The following RECK variants were observed in gnomAD, a reference collection of about 807,000 sequenced individuals.
RECK encodes reversion-inducing cysteine-rich protein with Kazal motifs.
RECK carries 69 observed loss-of-function variants against 115.1 expected under a neutral mutation model. That is an observed-to-expected ratio of 0.60 (90% CI 0.49 to 0.73). The LOEUF (loss-of-function observed/expected upper bound fraction) is 0.73, where lower values mean the gene tolerates loss of function less well. Ranked by LOEUF, RECK falls within the 30% of genes least tolerant of loss-of-function variation. RECK has a pLI of 0.00. For synonymous variants in RECK, 414 were observed against 419.7 expected, an observed-to-expected ratio of 0.99 and a Z score of 0.17; for missense variants, 1,047 against 1,203.7, an observed-to-expected ratio of 0.87 and a Z score of 1.93.
intron 10 of RECK, among the ~76,000 whole-genome samples, chr9:36,098,312 C>T (rs935355466): frequency 9.2e-5 from 14 of 152,082 alleles, no homozygotes; most frequent in Admixed American, 3.3e-4. Flanking sequence ...AAATATATTA[C>T]GTTGCACACA....
At chr9:36,099,095 G>A (rs957219412) in intron 10 of RECK, among the ~76,000 whole-genome samples, 40 of 152,136 alleles carry the variant, frequency 2.6e-4, no homozygotes, top group African/African-American at 8.2e-4. Flanking sequence ...GTGTGGTGGT[G>A]GGTGCCTGTA....
At chr9:36,074,067 A>G (rs1299450396) in intron 6 of RECK, among the ~76,000 whole-genome samples, 1 of 152,148 alleles carries the variant, frequency 6.6e-6, no homozygotes, top group African/African-American at 2.4e-5. Context: ...GAACATCATT[A>G]CCTCTATTGA....
chr9:36,043,514 T>C (rs1820964558), intron 1 of RECK, among the ~76,000 whole-genome samples: 1 of 152,172 alleles, frequency 6.6e-6, no homozygotes, highest in Non-Finnish European at 1.5e-5. Flanking sequence ...GCAGAAGCTT[T>C]TTAGTTTAAT....
rs535392371 is a variant in RECK, at chr9:36,066,737, A to G, written c.405+1113A>G. The G allele has an allele frequency of 1.5e-4, 173 of 1,169,492 alleles. 1 individual carries two copies. In the African/African-American group the frequency reaches 2.4e-3, roughly 17 times the overall value. 72.4% of individuals were successfully genotyped at this position (1,169,492 alleles called of 1,614,324 possible). A position where few individuals can be genotyped will look rare whatever the true frequency, so the allele number is the denominator to read the frequency against. ...CTGTGATAATTCCTTCTTTTCTCCT[A>G]CATGATGTCTGACACTGTCCATCTT... On this transcript the variant is annotated intron_variant, in intron 6 of 20. Coordinates refer to ENST00000377966, the MANE Select transcript of RECK (RefSeq NM_021111.3).
At chr9:36,106,955 A>G (rs1823842953) in intron 13 of RECK, among the ~76,000 whole-genome samples, 1 of 151,824 alleles carries the variant, frequency 6.6e-6, no homozygotes, top group Admixed American at 6.6e-5. Context: ...ATACAAAAAA[A>G]ATTAGCCGGG....
At chr9:36,039,582 T>C (rs974144374) in intron 1 of RECK, among the ~76,000 whole-genome samples, 1 of 152,190 alleles carries the variant, frequency 6.6e-6, no homozygotes, top group Non-Finnish European at 1.5e-5. Context: ...CTTTGGAGGA[T>C]GAGAAGGGAC....
At chr9:36,078,337 G>C (rs1284461194) in intron 6 of RECK, among the ~76,000 whole-genome samples, 1 of 152,266 alleles carries the variant, frequency 6.6e-6, no homozygotes, top group African/African-American at 2.4e-5. Context: ...GTGATCCACA[G>C]GCTGAACCAC....
intron 15 of RECK, among the ~76,000 whole-genome samples, chr9:36,111,533 G>A (rs1000089801): frequency 1.3e-5 from 2 of 152,110 alleles, no homozygotes; most frequent in Admixed American, 6.5e-5. Flanking sequence ...AGCTAGGAAC[G>A]ACAGGCATGC....
chr9:36,072,183 C>T (rs530899857), intron 6 of RECK, among the ~76,000 whole-genome samples: 1 of 152,290 alleles, frequency 6.6e-6, no homozygotes, highest in Admixed American at 6.5e-5. Flanking sequence ...GGAAATGTCA[C>T]AATAAAATGT....
In RECK at chr9:36,087,900, T is replaced by G; in HGVS notation, c.844T>G (p.Ser282Ala). The G allele has an allele frequency of 1.2e-6, 2 of 1,613,402 alleles. No homozygotes were observed. The highest frequency in any genetic ancestry group is 1.7e-6 in the Non-Finnish European group (2 of 1,179,366). Residue 282 changes from serine to alanine, a missense_variant, in exon 9 of 21, where the codon TCT becomes GCT. Physicochemically the swap from Ser to Ala is moderately conservative, Grantham distance 99. Coordinates refer to ENST00000377966, the MANE Select transcript of RECK (RefSeq NM_021111.3). ...TGGAGTCACTGTACACCCTCCTCCC[T>G]CTACAGGCCTCGATGGGGCTAAATT... is the stretch of plus-strand genomic sequence containing the variant. ...HPGVTVHPPP[S>A]TGLDGAKLHC... is the part of the protein sequence containing the mutation.
At chr9:36,116,269 C>T (rs1247478590) in intron 16 of RECK, among the ~76,000 whole-genome samples, 1 of 152,004 alleles carries the variant, frequency 6.6e-6, no homozygotes, top group Non-Finnish European at 1.5e-5. Context: ...GCTGGGATTA[C>T]AGGCATGCGC....
At chr9:36,105,497 G>A (rs2132657819) in intron 13 of RECK, among the ~76,000 whole-genome samples, 1 of 152,248 alleles carries the variant, frequency 6.6e-6, no homozygotes, top group South Asian at 2.1e-4. Flanking sequence ...AGCAGGAAAA[G>A]ACAGACACTT....
At chr9:36,105,576 C>T (rs768722975) in intron 13 of RECK, among the ~76,000 whole-genome samples, 17 of 152,006 alleles carry the variant, frequency 1.1e-4, no homozygotes, top group Admixed American at 1.1e-3. Context: ...TCGTGAGTTG[C>T]AGGGTTCTAG....
At chr9:36,055,372 CCCAAT>C (rs1385198433) in intron 2 of RECK, among the ~76,000 whole-genome samples, 1 of 152,028 alleles carries the variant, frequency 6.6e-6, no homozygotes, top group African/African-American at 2.4e-5. Context: ...ACAGAAGGGA[CCCAAT>C]AGATTATCTA....
chr9:36,074,699 G>A (rs1289603631), intron 6 of RECK, among the ~76,000 whole-genome samples: 6 of 152,144 alleles, frequency 3.9e-5, no homozygotes, highest in East Asian at 1.9e-4. Flanking sequence ...TCAGCTTTAC[G>A]TGGAAACTCT....
chr9:36,044,481 C>G (rs1588263422), intron 1 of RECK, among the ~76,000 whole-genome samples: 1 of 152,240 alleles, frequency 6.6e-6, no homozygotes, highest in Admixed American at 6.5e-5. Flanking sequence ...TTTCTCTTGT[C>G]TATTTGCTCT....
At position 36,094,231 on chromosome 9, in the gene RECK, A is replaced by G. The variant is rs1823258135; in HGVS notation, c.1085+2888A>G. ...TTTTTCTTTTGTATTTTATTTTTCAAAAGTAATTGGTTAAAGCAAAAATAA... is the reference window on the plus strand; with the variant it reads ...TTTTTCTTTTGTATTTTATTTTTCAGAAGTAATTGGTTAAAGCAAAAATAA... On this transcript the variant is annotated intron_variant, in intron 10 of 20. Transcript: ENST00000377966. This position sits in a 1 kb window ranked among gnomAD's most constrained non-coding sequence, Gnocchi z 4.1. 6.6e-6 allele frequency among the ~76,000 whole-genome samples: 1 copy of G among 151,596 alleles called. No individual in the cohort carries two copies. Among genetic ancestry groups the G allele is most frequent in the South Asian group, 2.1e-4 (1 of 4,808 alleles).
At chr9:36,056,152 T>C (rs1416905051) in intron 2 of RECK, among the ~76,000 whole-genome samples, 1 of 152,112 alleles carries the variant, frequency 6.6e-6, no homozygotes, top group Non-Finnish European at 1.5e-5. Flanking sequence ...TTCCCCACTA[T>C]ACTGAGGCAA....
At chr9:36,109,771 G>A (rs1393774361) in intron 14 of RECK, among the ~76,000 whole-genome samples, 186 bp from the exon 15 acceptor site, 1 of 151,782 alleles carries the variant, frequency 6.6e-6, no homozygotes, top group Non-Finnish European at 1.5e-5. Context: ...CTGAGCCCGG[G>A]AAGCGGAGGT....
Sources: allele counts gnomAD v4.1 joint callset (sites outside exome capture counted in the v4.1 genomes callset), GRCh38; gene constraint gnomAD v4.1.1; non-coding constraint Gnocchi (gnomAD v3.1); transcripts MANE v1.5; gene names NCBI Gene and HGNC (gene_info 2026-07-23, HGNC 2026-07-21).